The following LLGL1 variants were observed in gnomAD, a reference collection of about 807,000 sequenced individuals.
LLGL1 encodes LLGL scribble cell polarity complex component 1.
In LLGL1, 58 loss-of-function variants were observed where a neutral mutation model predicts 110.6. The ratio of observed to expected loss-of-function variants is 0.52; its 90% confidence interval spans 0.42 to 0.65. The LOEUF (loss-of-function observed/expected upper bound fraction) is 0.65. Ranked by LOEUF, LLGL1 falls within the 30% of genes least tolerant of loss-of-function variation. The probability of loss-of-function intolerance (pLI) is 0.00; values close to 1 mark genes in which losing one functional copy is unlikely to be tolerated. For synonymous variants in LLGL1, 674 were observed against 607.2 expected (o/e 1.11, Z -1.62); for missense variants, 1,229 against 1,462.1 (o/e 0.84, Z 2.60).
intron 7 of LLGL1, 47 bp from the exon 8 acceptor site, chr17:18,234,602 G>A: frequency 1.9e-6 from 3 of 1,611,090 alleles, no homozygotes; most frequent in Non-Finnish European, 2.5e-6. Flanking sequence ...TGGCAGAATT[G>A]CTAAGAACCA....
intron 14 of LLGL1, 122 bp from the exon 15 acceptor site, chr17:18,237,945 C>T (rs930050713): frequency 1.5e-6 from 2 of 1,329,080 alleles, no homozygotes; most frequent in Non-Finnish European, 1.0e-6. Context: ...GCAGCTGGGT[C>T]CATAGGACTG....
intron 13 of LLGL1, 137 bp from the exon 14 acceptor site, chr17:18,237,344 G>A: frequency 1.2e-6 from 1 of 827,950 alleles, no homozygotes; most frequent in South Asian, 1.8e-5. Flanking sequence ...GTGAGTGCTT[G>A]TTTAGCTGAT....
At chr17:18,233,378 C>T (rs1015301872) in intron 4 of LLGL1, among the ~76,000 whole-genome samples, 1 of 152,128 alleles carries the variant, frequency 6.6e-6, no homozygotes. Context: ...CTGATGCCTC[C>T]CAGCTTCTGC....
rs1229358503 is a variant in LLGL1 at position 18,234,148 on chromosome 17, T to C, written c.687T>C (p.Cys229=). ...LLVIWNQASQ[C]VDHIFLGNQQ... The stretch of plus-strand genomic sequence containing the variant: ...TCATCTGGAACCAGGCCTCGCAGTG[T>C]GTGGACCACATCTTCCTGGGGAACC... Residue 229 remains cysteine (C), a synonymous_variant, in exon 6 of 23, where the codon TGT becomes TGC. Transcript: ENST00000316843. The C allele has an allele frequency of 1.2e-6, 2 of 1,608,234 alleles. No homozygotes were observed. Among genetic ancestry groups the C allele is most frequent in the Admixed American group, 1.7e-5 (1 of 59,712 alleles).
chr17:18,226,634 G>T (rs2047450187), intron 1 of LLGL1, among the ~76,000 whole-genome samples: 1 of 152,248 alleles, frequency 6.6e-6, no homozygotes. Flanking sequence ...CATACTGTGG[G>T]CCCTGGCTCC....
chr17:18,240,106 T>A lies in LLGL1; in HGVS notation c.2207-472T>A, dbSNP rs1597877373. On this transcript the variant is annotated intron_variant, in intron 16 of 22. Transcript: ENST00000316843. This position sits in a 1 kb window ranked among gnomAD's most constrained non-coding sequence, Gnocchi z 5.3. ...CACGTAGGGAGCACACTGAAGACAG[T>A]GGGGGTGAAGCAGGGCTAAGACAAG... is the stretch of plus-strand genomic sequence containing the variant. 1.3e-5 allele frequency among the ~76,000 whole-genome samples: 2 copies of A among 151,482 alleles called. No individual in the cohort carries two copies. Among genetic ancestry groups the A allele is most frequent in the Admixed American group, 1.3e-4 (2 of 15,220 alleles).
intron 16 of LLGL1, among the ~76,000 whole-genome samples, chr17:18,239,353 T>C (rs1193897438): frequency 6.6e-6 from 1 of 152,114 alleles, no homozygotes; most frequent in Admixed American, 6.5e-5. Context: ...CCTGGATTTG[T>C]TGATTGAGTC....
chr17:18,241,817 C>T (rs1273657791), intron 18 of LLGL1, 68 bp from the exon 19 acceptor site: 2 of 1,605,112 alleles, frequency 1.2e-6, no homozygotes, highest in African/African-American at 1.3e-5. Context: ...GGGCACAGGC[C>T]CAGGCCACGG....
At chr17:18,225,890 G>GGGGCC (rs1183077170) in intron 1 of LLGL1, 127 bp downstream of exon 1, 21 of 256,110 alleles carry the variant, frequency 8.2e-5, no homozygotes, top group African/African-American at 3.7e-4. Flanking sequence ...GGCGCGGGGC[G>GGGGCC]GGGCCGGGCC....
Position 18,236,769 on chromosome 17 carries a change from C to T in LLGL1, c.1506+9C>T, listed in dbSNP as rs769253117. ...GGCCACCCTTCCGCAAGGTGGGCCC[C>T]TCCCCTGGCCCTGATGAGCTGGTCC... On this transcript the variant is annotated intron_variant, in intron 12 of 22. Coordinates refer to ENST00000316843, the MANE Select transcript of LLGL1 (RefSeq NM_004140.4). 7 of 1,612,716 alleles carry T rather than the reference C, an allele frequency of 4.3e-6. No homozygotes were observed. Among genetic ancestry groups the T allele is most frequent in the South Asian group, 1.1e-5 (1 of 91,048 alleles).
At chr17:18,231,303 G>A (rs1411304307) in intron 2 of LLGL1, among the ~76,000 whole-genome samples, 1 of 152,138 alleles carries the variant, frequency 6.6e-6, no homozygotes, top group African/African-American at 2.4e-5. Flanking sequence ...TCTCCTTGAC[G>A]ACCCTGGTTC....
intron 1 of LLGL1, 123 bp from the exon 2 acceptor site, chr17:18,229,818 C>T: frequency 1.5e-6 from 1 of 657,966 alleles, no homozygotes; most frequent in Admixed American, 2.4e-5. Context: ...GCAAGTAGAC[C>T]TGCCTCCTAC....
chr17:18,233,969 G>T (rs370834449), intron 5 of LLGL1, 33 bp downstream of exon 5: 3 of 1,598,832 alleles, frequency 1.9e-6, no homozygotes, highest in Admixed American at 1.7e-5. Flanking sequence ...AGCACCCACT[G>T]TGTGCCCGGG....
rs1446130565 is a variant in LLGL1, at chr17:18,231,243, G to A, written c.179+1205G>A. Among the ~76,000 whole-genome samples the A allele has an allele frequency of 2.0e-5, 3 of 152,174 alleles. No homozygotes were observed. In the East Asian group the frequency reaches 5.8e-4, roughly 29 times the overall value. On this transcript the variant is annotated intron_variant, in intron 2 of 22. Coordinates refer to ENST00000316843, the MANE Select transcript of LLGL1 (RefSeq NM_004140.4). Reference sequence around the variant, plus strand: ...GGTTGGGAAACTGAGGCTGGAGAGGGCCAGCCCTGGTCACTAGAAGCTGCC... The same window carrying A: ...GGTTGGGAAACTGAGGCTGGAGAGGACCAGCCCTGGTCACTAGAAGCTGCC...
rs761921235 is a variant in LLGL1, at chr17:18,229,991, G to A, written c.132G>A (p.Pro44=). The A allele has an allele frequency of 9.3e-6, 15 of 1,612,232 alleles. No individual in the cohort carries two copies. The highest frequency in any genetic ancestry group is 1.3e-5 in the African/African-American group (1 of 74,924). The change falls in exon 2 of 23, where the codon CCG becomes CCA. Residue 44 remains proline, a synonymous_variant. Coordinates refer to ENST00000316843, the MANE Select transcript of LLGL1 (RefSeq NM_004140.4). ...PNQPSALAFD[P]ELRIMAIGTR... Reference sequence around the variant, plus strand: ...AGCCCAGCGCCCTGGCCTTCGACCCGGAACTTCGCATCATGGCCATCGGCA... The same window carrying A: ...AGCCCAGCGCCCTGGCCTTCGACCCAGAACTTCGCATCATGGCCATCGGCA...
chr17:18,242,657 G>T (rs2047869002), intron 21 of LLGL1, 29 bp downstream of exon 21: 4 of 1,586,928 alleles, frequency 2.5e-6, no homozygotes, highest in Non-Finnish European at 3.4e-6. Context: ...TCCACAGGGG[G>T]GGCTGCCCTG....
Position 18,233,945 on chromosome 17 carries a change from C to G in LLGL1, c.551+9C>G, listed in dbSNP as rs2047628021. The G allele has an allele frequency of 6.2e-7, 1 of 1,608,426 alleles. No homozygotes were observed. Among genetic ancestry groups the G allele is most frequent in the Non-Finnish European group, 8.5e-7 (1 of 1,177,594 alleles). On this transcript the variant is annotated intron_variant, in intron 5 of 22. Coordinates refer to ENST00000316843, the MANE Select transcript of LLGL1 (RefSeq NM_004140.4). ...GGCGAGGTTCTGCGCAGGTAAGAGG[C>G]CGGTGGGCTTCCCAGCACCCACTGT...
intron 1 of LLGL1, among the ~76,000 whole-genome samples, chr17:18,227,317 C>T (rs2047467619): frequency 6.6e-6 from 1 of 151,850 alleles, no homozygotes; most frequent in Non-Finnish European, 1.5e-5. Context: ...TTTTCTGTGC[C>T]GGGGAGGCTG....
rs2047925775 is a variant in LLGL1, at chr17:18,244,233, T to G, written c.*327T>G. On this transcript the variant is annotated 3_prime_UTR_variant, in exon 23 of 23. Transcript: ENST00000316843. ...CATCCTTCCCCCTCACTTTGCAGAG[T>G]ATTTTTCCTTTTTTTTTTTTTTCTT... 7.1e-6 allele frequency: 1 copy of G among 140,370 alleles called. No homozygotes were observed. Among genetic ancestry groups the G allele is most frequent in the Non-Finnish European group, 1.5e-5 (1 of 65,506 alleles). 8.7% of individuals were successfully genotyped at this position (140,370 alleles called of 1,614,324 possible).
Sources: allele counts gnomAD v4.1 joint callset (sites outside exome capture counted in the v4.1 genomes callset), GRCh38; gene constraint gnomAD v4.1.1; non-coding constraint Gnocchi (gnomAD v3.1); transcripts MANE v1.5; gene names NCBI Gene and HGNC (gene_info 2026-07-23, HGNC 2026-07-21).